Variants in HEATR1 observed in about 807,000 individuals in gnomAD.
HEATR1 encodes the protein HEAT repeat containing 1.
Under a neutral mutation model 248.2 loss-of-function variants are expected in HEATR1, and 77 were observed. That is an observed-to-expected ratio of 0.31 (90% CI 0.26 to 0.37). HEATR1 has a LOEUF of 0.37. HEATR1 is among the 10% of genes least tolerant of loss of function. The pLI is 1.00. For missense variants in HEATR1, 2,420 were observed against 2,504.9 expected, an observed-to-expected ratio of 0.97 and a Z score of 0.72; for synonymous variants, 897 against 923.1, an observed-to-expected ratio of 0.97 and a Z score of 0.51.
chr1:236,555,235 C>A, intron 41 of HEATR1, 61 bp downstream of exon 41: 2 of 1,548,202 alleles, frequency 1.3e-6, no homozygotes, highest in Non-Finnish European at 1.8e-6. Context: ...TTGTGTCTTA[C>A]TGGTACCTTG....
At position 236,586,315 on chromosome 1, in the gene HEATR1, T is replaced by C. The variant is rs188429321; in HGVS notation, c.1853A>G (p.Glu618Gly). The C allele has an allele frequency of 2.6e-5, 42 of 1,613,644 alleles. No homozygotes were observed. In the Admixed American group the frequency reaches 6.8e-4, roughly 26 times the overall value. ...VINNDDTESA[E>G]MKIAIYLSKS... is the part of the protein sequence containing the mutation. ...TGATAAATATATAGCAATTTTCATC[T>C]CAGCAGATTCCGTATCATCATTATT... The change falls in exon 15 of 45, where the codon GAG becomes GGG. Residue 618 changes from glutamate to glycine, a missense_variant. Physicochemically the swap from Glu to Gly is moderately conservative, Grantham distance 98 (BLOSUM62 -2). Coordinates refer to ENST00000366582, the MANE Select transcript of HEATR1 (RefSeq NM_018072.6).
chr1:236,591,595 T>C (rs1480648444), intron 11 of HEATR1, among the ~76,000 whole-genome samples: 1 of 152,104 alleles, frequency 6.6e-6, no homozygotes, highest in South Asian at 2.1e-4. Flanking sequence ...GATCATGAAA[T>C]AGAACCCATC....
rs1442281423 is a variant in HEATR1, at chr1:236,573,256, C to T, written c.3460-428G>A. Among the ~76,000 whole-genome samples the T allele has an allele frequency of 3.9e-5, 6 of 152,132 alleles. No homozygotes were observed. In the East Asian group the frequency reaches 9.6e-4, roughly 24 times the overall value. ...AGAGTGGACAACTAGTAATGCAATA[C>T]AGAATCATCCATACCGATTGTTTCC... On this transcript the variant is annotated intron_variant, in intron 24 of 44. Transcript: ENST00000366582.
At chr1:236,583,872 C>G (rs1030643206) in intron 17 of HEATR1, among the ~76,000 whole-genome samples, 1 of 152,118 alleles carries the variant, frequency 6.6e-6, no homozygotes, top group African/African-American at 2.4e-5. Context: ...CACTGTTTTA[C>G]CACTAATCTG....
At chr1:236,578,263 T>TTTAACATTGTTAA (rs1663619443) in intron 20 of HEATR1, among the ~76,000 whole-genome samples, 1 of 152,238 alleles carries the variant, frequency 6.6e-6, no homozygotes, top group East Asian at 1.9e-4. Context: ...TAGCCAGATG[T>TTTAACATTGTTAA]CCCATTTAAC....
rs532304014 is a variant in HEATR1, at chr1:236,592,648, A to C, written c.1194-15T>G. On this transcript the variant is annotated splice_polypyrimidine_tract_variant and intron_variant, in intron 9 of 44. Coordinates refer to ENST00000366582, the MANE Select transcript of HEATR1 (RefSeq NM_018072.6). Reference sequence around the variant, plus strand: ...CAAATAGAAGGCTGTAAAAAAAAAAACAGAAATATCAGCATACATAAGAGT... The same window carrying C: ...CAAATAGAAGGCTGTAAAAAAAAAACCAGAAATATCAGCATACATAAGAGT... 229 of 857,112 alleles carry C rather than the reference A, an allele frequency of 2.7e-4. No individual in the cohort carries two copies. Among genetic ancestry groups the C allele is most frequent in the African/African-American group, 1.7e-3 (102 of 60,722 alleles). 53.1% of individuals were successfully genotyped at this position (857,112 alleles called of 1,614,324 possible). A position where few individuals can be genotyped will look rare whatever the true frequency, so the allele number is the denominator to read the frequency against.
intron 29 of HEATR1, 94 bp downstream of exon 29, chr1:236,568,902 A>AC: frequency 1.1e-6 from 1 of 918,624 alleles, no homozygotes; most frequent in African/African-American, 2.0e-5. Context: ...AAAAAACAAA[A>AC]AAAAAAAACT....
At position 236,576,899 on chromosome 1, in the gene HEATR1, T is replaced by C; in HGVS notation, c.2806A>G (p.Arg936Gly). ...GCCTGGAGACACTGAATGGCAGCCC[T>C]ACGAACTTCTTTTACGGGGCTTCCC... ...NLGSPVKEVRRAAIQCLQALS... is the reference protein window; with the variant it reads ...NLGSPVKEVRGAAIQCLQALS... The change falls in exon 21 of 45, where the codon AGG (arginine) becomes GGG (glycine). Residue 936 changes from arginine to glycine, a missense_variant. By Grantham distance (125) the Arg-to-Gly change is moderately radical. Coordinates refer to ENST00000366582, the MANE Select transcript of HEATR1 (RefSeq NM_018072.6). 1 of 1,613,244 alleles carries C rather than the reference T, an allele frequency of 6.2e-7. No homozygotes were observed. Among genetic ancestry groups the C allele is most frequent in the Non-Finnish European group, 8.5e-7 (1 of 1,179,636 alleles).
intron 17 of HEATR1, 71 bp from the exon 18 acceptor site, chr1:236,583,267 G>A: frequency 7.6e-7 from 1 of 1,310,332 alleles, no homozygotes; most frequent in Non-Finnish European, 1.0e-6. Flanking sequence ...GAATTCCTCT[G>A]CATAATATGC....
At position 236,602,813 on chromosome 1, in the gene HEATR1, A is replaced by G. The variant is rs185441991; in HGVS notation, c.359+347T>C. 56 of 196,216 alleles carry G rather than the reference A, an allele frequency of 2.9e-4. 1 individual carries two copies. In the East Asian group the frequency reaches 7.2e-3, roughly 25 times the overall value. 12.2% of individuals were successfully genotyped at this position (196,216 alleles called of 1,614,324 possible). ...ATGGCAGGTGCCTGTAATCCCAGCT[A>G]CTTGGGAGGCTGAGGTGGGAGAATC... On this transcript the variant is annotated intron_variant, in intron 3 of 44. Coordinates refer to ENST00000366582, the MANE Select transcript of HEATR1 (RefSeq NM_018072.6).
At position 236,574,855 on chromosome 1, in the gene HEATR1, T is replaced by C; in HGVS notation, c.3133A>G (p.Ile1045Val). 6 of 1,613,934 alleles carry C rather than the reference T, an allele frequency of 3.7e-6. No individual in the cohort carries two copies. Among genetic ancestry groups the C allele is most frequent in the Non-Finnish European group, 5.1e-6 (6 of 1,179,820 alleles). The change falls in exon 23 of 45, where the codon ATC becomes GTC. Residue 1045 changes from isoleucine to valine, a missense_variant. Ile to Val is a conservative substitution (Grantham distance 29). Coordinates refer to ENST00000366582, the MANE Select transcript of HEATR1 (RefSeq NM_018072.6). ...LPMAEQLLEKIQKEPTAVLKD... is the reference protein window; with the variant it reads ...LPMAEQLLEKVQKEPTAVLKD... ...AGCACAGCTGTGGGCTCCTTCTGGATCTTTTCTAGCAGTTGTTCAGCCATA... is the reference window on the plus strand; with the variant it reads ...AGCACAGCTGTGGGCTCCTTCTGGACCTTTTCTAGCAGTTGTTCAGCCATA...
At chr1:236,573,529 A>G (rs1296858841) in intron 24 of HEATR1, among the ~76,000 whole-genome samples, 1 of 97,864 alleles carries the variant, frequency 1.0e-5, no homozygotes, top group Non-Finnish European at 2.5e-5. Flanking sequence ...GATAATACCA[A>G]GGAATTATTT....
At chr1:236,581,927 G>A (rs537471503) in intron 19 of HEATR1, among the ~76,000 whole-genome samples, 7 of 152,188 alleles carry the variant, frequency 4.6e-5, no homozygotes, top group African/African-American at 1.4e-4. Flanking sequence ...ATATAGTAAT[G>A]GGCCTAACAT....
Position 236,549,106 on chromosome 1 carries a change from C to T in HEATR1, c.*1796G>A. On this transcript the variant is annotated 3_prime_UTR_variant, in exon 45 of 45. Transcript: ENST00000366582. ...CAGAAAGTGTACGCCAACTAAGGGA[C>T]CCACAAAGCAGGCAGAGGTAATGCA... is the stretch of plus-strand genomic sequence containing the variant. 1 of 397,822 alleles carries T rather than the reference C, an allele frequency of 2.5e-6. No homozygotes were observed. The highest frequency in any genetic ancestry group is 4.4e-6 in the Non-Finnish European group (1 of 225,720). The allele number at this position is 397,822 out of a possible 1,614,324, so 24.6% of individuals were successfully genotyped here. A position where few individuals can be genotyped will look rare whatever the true frequency, so the allele number is the denominator to read the frequency against.
At chr1:236,555,274 C>A in intron 41 of HEATR1, 22 bp downstream of exon 41, 1 of 1,611,686 alleles carries the variant, frequency 6.2e-7, no homozygotes. Flanking sequence ...AGGGTGACAG[C>A]TGAACTGAAG....
At chr1:236,572,192 A>C (rs1663448177) in intron 26 of HEATR1, among the ~76,000 whole-genome samples, 1 of 152,236 alleles carries the variant, frequency 6.6e-6, no homozygotes, top group Non-Finnish European at 1.5e-5. Context: ...AGTAGGCTGT[A>C]CAGTGAGTGG....
Position 236,552,087 on chromosome 1 carries a change from A to G in HEATR1, c.6258T>C (p.Ile2086=). The change falls in exon 44 of 45, where the codon ATT becomes ATC. Residue 2086 remains isoleucine (I), a synonymous_variant. Transcript: ENST00000366582. ...GTTTTTCAGCCAGTGCTAACACAGT[A>G]ATCAAAGCAGCAAATCGAACCTGAA... ...SSPKVRFAAL[I]TVLALAEKLK... The G allele has an allele frequency of 6.2e-7, 1 of 1,612,384 alleles. No individual in the cohort carries two copies. Among genetic ancestry groups the G allele is most frequent in the Non-Finnish European group, 8.5e-7 (1 of 1,178,932 alleles).
rs1173330771 is a variant in HEATR1 at position 236,574,811 on chromosome 1, A to G, written c.3177T>C (p.Val1059=). The G allele has an allele frequency of 1.2e-6, 2 of 1,613,924 alleles. No homozygotes were observed. Among genetic ancestry groups the G allele is most frequent in the Non-Finnish European group, 1.7e-6 (2 of 1,179,904 alleles). The change falls in exon 23 of 45, where the codon GTT becomes GTC. Residue 1059 remains valine (V), a synonymous_variant. Transcript: ENST00000366582. ...TATACTTTCCCAGAGTGAGATGCAG[A>G]ACCATGGCCTCATCTTTCAGCACAG... The part of the protein sequence containing the change: ...PTAVLKDEAM[V]LHLTLGKYNE...
At chr1:236,576,447 G>A (rs566623742) in intron 21 of HEATR1, 70 bp from the exon 22 acceptor site, 32 of 1,120,170 alleles carry the variant, frequency 2.9e-5, no homozygotes, top group Admixed American at 1.3e-4. Flanking sequence ...TATTAATTAC[G>A]GAAGACTCTT....
Sources: allele counts gnomAD v4.1 joint callset (sites outside exome capture counted in the v4.1 genomes callset), GRCh38; gene constraint gnomAD v4.1.1; transcripts MANE v1.5; gene names NCBI Gene and HGNC (gene_info 2026-07-23, HGNC 2026-07-21).